The following MRPS31 variants were observed in gnomAD, a reference collection of about 807,000 sequenced individuals.
MRPS31 encodes the protein mitochondrial ribosomal protein S31, also known as small ribosomal subunit protein mS31.
A neutral mutation model predicts 43.1 loss-of-function variants in MRPS31; 32 were observed. That is an observed-to-expected ratio of 0.74 (90% CI 0.56 to 1.00). The LOEUF (loss-of-function observed/expected upper bound fraction) is 1.00, where lower values mean the gene tolerates loss of function less well. Ranked by LOEUF, MRPS31 falls within the 50% of genes least tolerant of loss-of-function variation. MRPS31 has a pLI of 0.00. For missense variants in MRPS31, 437 were observed against 466.7 expected, an observed-to-expected ratio of 0.94 and a Z score of 0.59; for synonymous variants, 165 against 161.6, an observed-to-expected ratio of 1.02 and a Z score of -0.16.
At chr13:40,738,685 A>C (rs973914642) in intron 6 of MRPS31, among the ~76,000 whole-genome samples, 2 of 152,204 alleles carry the variant, frequency 1.3e-5, no homozygotes, top group Non-Finnish European at 2.9e-5. Flanking sequence ...CAAAGACAAA[A>C]ACTACATGAT....
intron 6 of MRPS31, among the ~76,000 whole-genome samples, chr13:40,744,474 A>G (rs989281288): frequency 6.6e-6 from 1 of 152,240 alleles, no homozygotes; most frequent in African/African-American, 2.4e-5. Flanking sequence ...ATAATTTCCA[A>G]TTCCCTAACA....
At chr13:40,744,490 T>A (rs1192204973) in intron 6 of MRPS31, among the ~76,000 whole-genome samples, 3 of 152,212 alleles carry the variant, frequency 2.0e-5, no homozygotes, top group Non-Finnish European at 4.4e-5. Flanking sequence ...TAACAACATA[T>A]GATGTTTTCA....
chr13:40,729,730 A>ATTT (rs35753575), intron 6 of MRPS31, 129 bp from the exon 7 acceptor site: 71 of 525,444 alleles, frequency 1.4e-4, no homozygotes, highest in East Asian at 2.7e-4. Flanking sequence ...CCTAGGTTGC[A>ATTT]TTTTTTTTTT....
chr13:40,737,242 T>C (rs1350952704), intron 6 of MRPS31, among the ~76,000 whole-genome samples: 3 of 151,986 alleles, frequency 2.0e-5, no homozygotes, highest in African/African-American at 7.2e-5. Context: ...CTATCCTAAA[T>C]ATATATGCAC....
intron 2 of MRPS31, among the ~76,000 whole-genome samples, chr13:40,766,485 G>A (rs1476405988): frequency 2.6e-5 from 4 of 151,952 alleles, no homozygotes; most frequent in Non-Finnish European, 5.9e-5. Context: ...GTAGAGACGG[G>A]GTTTCACCAT....
intron 6 of MRPS31, among the ~76,000 whole-genome samples, chr13:40,736,842 G>T (rs2137995130): frequency 6.6e-6 from 1 of 150,404 alleles, no homozygotes; most frequent in Non-Finnish European, 1.5e-5. Flanking sequence ...AAAATGTAAA[G>T]ACCATCAAGA....
At chr13:40,761,582 A>G (rs1311910492) in intron 2 of MRPS31, among the ~76,000 whole-genome samples, 20 of 152,204 alleles carry the variant, frequency 1.3e-4, no homozygotes, top group Admixed American at 1.3e-3. Flanking sequence ...TAATTTTTAC[A>G]TACAGGGATC....
chr13:40,746,597 C>T (rs1880245958), intron 6 of MRPS31, among the ~76,000 whole-genome samples: 1 of 151,986 alleles, frequency 6.6e-6, no homozygotes, highest in South Asian at 2.1e-4. Flanking sequence ...AGATAAATTC[C>T]GTTGGAATTT....
At chr13:40,757,763 TAC>T (rs1880572703) in intron 3 of MRPS31, among the ~76,000 whole-genome samples, 1 of 149,596 alleles carries the variant, frequency 6.7e-6, no homozygotes, top group Non-Finnish European at 1.5e-5. Flanking sequence ...TTTTTTTAAT[TAC>T]AGTTTCTTGT....
Position 40,729,390 on chromosome 13 carries a change from ACTTT to A in MRPS31, c.1166_1169del (p.Glu389ValfsTer17), listed in dbSNP as rs778441679. 1.4e-5 allele frequency: 21 copies of A among 1,503,456 alleles called. No individual in the cohort carries two copies. The highest frequency in any genetic ancestry group is 1.9e-5 in the Non-Finnish European group (21 of 1,094,310). 93.1% of individuals were successfully genotyped at this position (1,503,456 alleles called of 1,614,324 possible). On this transcript the variant is annotated frameshift_variant, in exon 7 of 7. Transcript: ENST00000323563. LOFTEE classifies it high-confidence loss of function. Reference sequence around the variant, plus strand: ...CATGGTCTTAATTGAACTGTATGTTACTTTCTTTTAGAATATCCTTTTTTTCATT... The same window carrying A: ...CATGGTCTTAATTGAACTGTATGTTACTTTTAGAATATCCTTTTTTTCATT...
At chr13:40,761,835 T>C (rs982081346) in intron 2 of MRPS31, among the ~76,000 whole-genome samples, 30 of 150,312 alleles carry the variant, frequency 2.0e-4, no homozygotes, top group African/African-American at 7.4e-4. Context: ...CTTGGTGCCA[T>C]ATATCAAAGG....
intron 6 of MRPS31, among the ~76,000 whole-genome samples, chr13:40,744,704 T>C (rs185059528): frequency 9.5e-4 from 144 of 152,260 alleles, no homozygotes; most frequent in Admixed American, 2.2e-3. Context: ...ACACTCCACC[T>C]CTCAGGTTCA....
intron 6 of MRPS31, among the ~76,000 whole-genome samples, chr13:40,734,713 C>A (rs749392370): frequency 6.6e-6 from 1 of 151,924 alleles, no homozygotes. Context: ...CCAGCCTGGG[C>A]AACATAGTGA....
rs1386449506 is a variant in MRPS31 at position 40,756,951 on chromosome 13, C to T, written c.662G>A (p.Arg221Lys). 1 of 1,613,622 alleles carries T rather than the reference C, an allele frequency of 6.2e-7. No individual in the cohort carries two copies. Among genetic ancestry groups the T allele is most frequent in the South Asian group, 1.1e-5 (1 of 91,000 alleles). Residue 221 changes from arginine (R) to lysine (K), a missense_variant, in exon 4 of 7, where the codon AGA becomes AAA. Arg to Lys is a conservative substitution (Grantham distance 26). Coordinates refer to ENST00000323563, the MANE Select transcript of MRPS31 (RefSeq NM_005830.4). ...ATCAAACTGAATCCGAAGCTCTGGT[C>T]TTGAACGAACTCTAGCTGTAGCAGA... ...ARSATARVRS[R>K]PELRIQFDEG... is the part of the protein sequence containing the mutation.
intron 1 of MRPS31, among the ~76,000 whole-genome samples, chr13:40,767,642 G>A (rs1212237034): frequency 6.6e-6 from 1 of 152,164 alleles, no homozygotes; most frequent in African/African-American, 2.4e-5. Flanking sequence ...TCCTTGGGGT[G>A]GCCAGGGGAG....
At chr13:40,755,798 T>C (rs1439302548) in intron 4 of MRPS31, among the ~76,000 whole-genome samples, 1 of 152,198 alleles carries the variant, frequency 6.6e-6, no homozygotes, top group Non-Finnish European at 1.5e-5. Flanking sequence ...AAATATCAAA[T>C]CTAATATTAA....
At chr13:40,740,700 A>G (rs1171294277) in intron 6 of MRPS31, among the ~76,000 whole-genome samples, 2 of 142,432 alleles carry the variant, frequency 1.4e-5, no homozygotes, top group East Asian at 4.3e-4. Flanking sequence ...AAAACCAAAC[A>G]CCGCATATTC....
At chr13:40,753,042 A>G (rs1195077048) in intron 5 of MRPS31, among the ~76,000 whole-genome samples, 1 of 152,050 alleles carries the variant, frequency 6.6e-6, no homozygotes, top group African/African-American at 2.4e-5. Flanking sequence ...AAACTAACTT[A>G]TTTTCTTTAG....
intron 6 of MRPS31, among the ~76,000 whole-genome samples, chr13:40,744,482 A>C (rs771167376): frequency 5.3e-5 from 8 of 152,230 alleles, no homozygotes; most frequent in Non-Finnish European, 8.8e-5. Context: ...CAATTCCCTA[A>C]CAACATATGA....
Sources: allele counts gnomAD v4.1 joint callset (sites outside exome capture counted in the v4.1 genomes callset), GRCh38; gene constraint gnomAD v4.1.1; transcripts MANE v1.5; gene names NCBI Gene and HGNC (gene_info 2026-07-23, HGNC 2026-07-21).